GLRX2: variants seen among roughly 807,000 people sequenced by gnomAD.
GLRX2 encodes glutaredoxin 2.
GLRX2 carries 12 observed loss-of-function variants against 16.4 expected under a neutral mutation model. The ratio of observed to expected loss-of-function variants is 0.73; its 90% CI spans 0.47 to 1.19. The LOEUF is 1.19. Ranked by LOEUF, GLRX2 falls within the 50% of genes most tolerant of loss-of-function variation. GLRX2 has a pLI of 0.00. For synonymous variants in GLRX2, 95 were observed against 76.2 expected (o/e 1.25, Z -1.28); for missense variants, 201 against 201.8 (o/e 1.00, Z 0.02).
intron 2 of GLRX2, among the ~76,000 whole-genome samples, chr1:193,100,095 C>T (rs1323164965): frequency 2.6e-5 from 4 of 152,142 alleles, no homozygotes; most frequent in Non-Finnish European, 5.9e-5. Flanking sequence ...CTAAAGATGA[C>T]AGCGTTAGGG....
chr1:193,102,749 C>T (rs1675104811), intron 1 of GLRX2, among the ~76,000 whole-genome samples: 1 of 152,168 alleles, frequency 6.6e-6, no homozygotes, highest in African/African-American at 2.4e-5. Flanking sequence ...ACAGTAGTCC[C>T]CCTTTATCCA....
At position 193,105,394 on chromosome 1, in the gene GLRX2, G is replaced by A. The variant is rs1371597461; in HGVS notation, c.-12C>T. On this transcript the variant is annotated 5_prime_UTR_variant, in exon 1 of 4. Transcript: ENST00000367439. ...CGGCGCCAAATCATGGTCAGAGCCCGGATCTGCAGCGAGCTCTACTGCCGG... is the reference window on the plus strand; with the variant it reads ...CGGCGCCAAATCATGGTCAGAGCCCAGATCTGCAGCGAGCTCTACTGCCGG... The A allele has an allele frequency of 3.3e-6, 5 of 1,529,426 alleles. No homozygotes were observed. Among genetic ancestry groups the A allele is most frequent in the East Asian group, 2.6e-5 (1 of 38,472 alleles). The allele number at this position is 1,529,426 out of a possible 1,614,324, so 94.7% of individuals were successfully genotyped here. A position where few individuals can be genotyped will look rare whatever the true frequency, so the allele number is the denominator to read the frequency against.
chr1:193,096,608 A>G lies in GLRX2; in HGVS notation c.*17T>C. The G allele has an allele frequency of 6.7e-7, 1 of 1,484,764 alleles. No homozygotes were observed. Among genetic ancestry groups the G allele is most frequent in the South Asian group, 1.2e-5 (1 of 84,928 alleles). The allele number at this position is 1,484,764 out of a possible 1,614,324, so 92.0% of individuals were successfully genotyped here. ...TAAATAACTGACACTGTACTAGCAA[A>G]CTTATTAGTATAAACATCACTGAAA... On this transcript the variant is annotated 3_prime_UTR_variant, in exon 4 of 4. Coordinates refer to ENST00000367439, the MANE Select transcript of GLRX2 (RefSeq NM_197962.3).
intron 2 of GLRX2, among the ~76,000 whole-genome samples, chr1:193,100,680 A>G (rs934610004): frequency 2.6e-5 from 4 of 152,214 alleles, no homozygotes; most frequent in Non-Finnish European, 5.9e-5. Context: ...GGCAGAATTA[A>G]CGAAGCTTCT....
At chr1:193,103,343 A>C (rs1198944174) in intron 1 of GLRX2, among the ~76,000 whole-genome samples, 1 of 152,222 alleles carries the variant, frequency 6.6e-6, no homozygotes, top group Non-Finnish European at 1.5e-5. Context: ...AAAAGGTATT[A>C]AATTTGTGGA....
At chr1:193,105,702 A>G (rs758269588), upstream of GLRX2, 83 of 1,530,574 alleles carry the variant, frequency 5.4e-5, no homozygotes, top group Non-Finnish European at 6.6e-5. Flanking sequence ...AGGCACTTGG[A>G]AGCAGTGCAT....
intron 1 of GLRX2, 120 bp downstream of exon 1, chr1:193,105,144 C>T (rs1675160960): frequency 7.2e-7 from 1 of 1,380,248 alleles, no homozygotes; most frequent in Non-Finnish European, 9.4e-7. Flanking sequence ...AGAGCCCACG[C>T]GCTAGTACGC....
upstream of GLRX2, chr1:193,105,947 G>A: frequency 9.8e-7 from 1 of 1,022,496 alleles, no homozygotes; most frequent in Non-Finnish European, 1.2e-6. Context: ...GGTGTTGAAG[G>A]TTTACTCCAA....
chr1:193,106,101 GTAA>G (rs1675197259), upstream of GLRX2: 7 of 898,614 alleles, frequency 7.8e-6, no homozygotes, highest in South Asian at 3.1e-4. Context: ...CTCAGTGGTG[GTAA>G]TAATAGCCTT....
chr1:193,098,721 T>G (rs1207446764), intron 2 of GLRX2, among the ~76,000 whole-genome samples: 1 of 151,992 alleles, frequency 6.6e-6, no homozygotes, highest in Non-Finnish European at 1.5e-5. Context: ...CCAGTTAATT[T>G]TTGTTTTTTA....
At chr1:193,105,115 C>CCT (rs1675159989) in intron 1 of GLRX2, 149 bp downstream of exon 1, 5 of 1,237,352 alleles carry the variant, frequency 4.0e-6, no homozygotes, top group Non-Finnish European at 5.3e-6. Flanking sequence ...CCCTCGAGCG[C>CCT]CTCTGCGTGT....
chr1:193,098,913 T>C (rs996302588), intron 2 of GLRX2, among the ~76,000 whole-genome samples: 1 of 152,234 alleles, frequency 6.6e-6, no homozygotes. Flanking sequence ...CCTTACCTTC[T>C]ATTCTATAAC....
At chr1:193,099,141 A>G (rs900716973) in intron 2 of GLRX2, among the ~76,000 whole-genome samples, 1 of 152,208 alleles carries the variant, frequency 6.6e-6, no homozygotes, top group Non-Finnish European at 1.5e-5. Context: ...AAACCTCTCC[A>G]TATAATGATG....
chr1:193,105,100 C>A lies in GLRX2; in HGVS notation c.119+164G>T, dbSNP rs192856780. 5.0e-4 allele frequency: 370 copies of A among 740,058 alleles called. 1 individual carries two copies. Among genetic ancestry groups the A allele is most frequent in the Middle Eastern group, 2.1e-3 (3 of 1,436 alleles). 45.8% of individuals were successfully genotyped at this position (740,058 alleles called of 1,614,324 possible). A position where few individuals can be genotyped will look rare whatever the true frequency, so the allele number is the denominator to read the frequency against. ...CAGCCGCGGAGGGCACCCTTCCCTGCCCATCCCTCGAGCGCCTCTGCGTGT... is the reference window on the plus strand; with the variant it reads ...CAGCCGCGGAGGGCACCCTTCCCTGACCATCCCTCGAGCGCCTCTGCGTGT... On this transcript the variant is annotated intron_variant, in intron 1 of 3. Transcript: ENST00000367439.
chr1:193,103,269 G>A (rs1253600172), intron 1 of GLRX2, among the ~76,000 whole-genome samples: 5 of 152,148 alleles, frequency 3.3e-5, no homozygotes, highest in Non-Finnish European at 5.9e-5. Flanking sequence ...ATTCATGGCA[G>A]TTTTGATGTC....
At chr1:193,105,942 TGAAGGTTTACTCCAAA>T, upstream of GLRX2, 1 of 1,035,376 alleles carries the variant, frequency 9.7e-7, no homozygotes, top group South Asian at 4.5e-5. Flanking sequence ...AATCCGGTGT[TGAAGGTTTACTCCAAA>T]GAAGACAAAG....
At chr1:193,105,591 A>G, upstream of GLRX2, 1 of 1,607,676 alleles carries the variant, frequency 6.2e-7, no homozygotes, top group Non-Finnish European at 8.5e-7. Context: ...ACGTGTAAAC[A>G]TCCTTTAGAG....
intron 2 of GLRX2, among the ~76,000 whole-genome samples, chr1:193,099,669 C>T (rs1675034534): frequency 6.6e-6 from 1 of 152,090 alleles, no homozygotes; most frequent in Admixed American, 6.6e-5. Context: ...ATAAGCAGTA[C>T]CTTCAAGATG....
chr1:193,098,270 G>A (rs1305414463), intron 2 of GLRX2, among the ~76,000 whole-genome samples: 2 of 152,160 alleles, frequency 1.3e-5, no homozygotes, highest in Non-Finnish European at 2.9e-5. Context: ...GCCGGGTACA[G>A]TGGCTCATAC....
Sources: allele counts gnomAD v4.1 joint callset (sites outside exome capture counted in the v4.1 genomes callset), GRCh38; gene constraint gnomAD v4.1.1; transcripts MANE v1.5; gene names NCBI Gene and HGNC (gene_info 2026-07-23, HGNC 2026-07-21).